The following CDH10 variants were observed in gnomAD, a reference collection of about 807,000 sequenced individuals.
CDH10 encodes cadherin-10.
In CDH10, 30 loss-of-function variants were observed where a neutral mutation model predicts 73.1. That is an observed-to-expected ratio of 0.41 (90% CI 0.31 to 0.56). CDH10 has a LOEUF of 0.56. Ranked by LOEUF, CDH10 falls within the 20% of genes least tolerant of loss-of-function variation. The pLI, the probability that CDH10 is intolerant of heterozygous loss-of-function variation, is 0.27. For synonymous variants in CDH10, 345 were observed against 348.2 expected, an observed-to-expected ratio of 0.99 and a Z score of 0.10; for missense variants, 815 against 973.7, an observed-to-expected ratio of 0.84 and a Z score of 2.17.
At chr5:24,490,436 A>AT (rs1483122965) in intron 11 of CDH10, among the ~76,000 whole-genome samples, 11 of 152,078 alleles carry the variant, frequency 7.2e-5, no homozygotes, top group Non-Finnish European at 1.2e-4. Context: ...TATAAAATAT[A>AT]TTTTTTAATA....
At chr5:24,642,250 A>C (rs1252004983) in intron 1 of CDH10, among the ~76,000 whole-genome samples, 1 of 152,162 alleles carries the variant, frequency 6.6e-6, no homozygotes, top group African/African-American at 2.4e-5. Flanking sequence ...AAAATGACAT[A>C]TTCCAGTAAG....
At position 24,642,763 on chromosome 5, in the gene CDH10, A is replaced by G. The variant is rs111869041; in HGVS notation, c.-124+1831T>C. ...ATGTAGGTGGATGCTCATACAGTTT[A>G]CCTTCTTTTTTCCCATTTCCCAGAG... On this transcript the variant is annotated intron_variant, in intron 1 of 11. Coordinates refer to ENST00000264463, the MANE Select transcript of CDH10 (RefSeq NM_006727.5). Among the ~76,000 whole-genome samples, 279 of 152,130 alleles carry G rather than the reference A, an allele frequency of 1.8e-3. 2 individuals carry two copies. The highest frequency in any genetic ancestry group is 6.2e-3 in the African/African-American group (257 of 41,506).
intron 2 of CDH10, among the ~76,000 whole-genome samples, chr5:24,549,279 G>T (rs1744459962): frequency 6.6e-6 from 1 of 152,188 alleles, no homozygotes; most frequent in Non-Finnish European, 1.5e-5. Flanking sequence ...GAACGAAGTA[G>T]AAGTTGTATT....
intron 2 of CDH10, among the ~76,000 whole-genome samples, chr5:24,580,661 A>G (rs2112053392): frequency 6.6e-6 from 1 of 152,302 alleles, no homozygotes; most frequent in African/African-American, 2.4e-5. Flanking sequence ...ATAAGACCCT[A>G]CATATTAGTT....
intron 1 of CDH10, among the ~76,000 whole-genome samples, chr5:24,605,614 G>A (rs751694608): frequency 2.0e-5 from 3 of 152,220 alleles, no homozygotes; most frequent in African/African-American, 4.8e-5. Flanking sequence ...TACCTTGCTG[G>A]TGGGAATGCA....
At chr5:24,509,963 T>C (rs1166869677) in intron 6 of CDH10, 144 bp from the exon 7 acceptor site, 1 of 580,020 alleles carries the variant, frequency 1.7e-6, no homozygotes, top group Non-Finnish European at 2.9e-6. Flanking sequence ...ACACAAATAA[T>C]ATAATCTTCA....
chr5:24,517,408 G>A (rs1376965615), intron 5 of CDH10, among the ~76,000 whole-genome samples: 1 of 152,138 alleles, frequency 6.6e-6, no homozygotes, highest in Non-Finnish European at 1.5e-5. Flanking sequence ...TGAAGGGAAA[G>A]TGGGAATAGG....
chr5:24,584,272 G>A (rs1021502215), intron 2 of CDH10, among the ~76,000 whole-genome samples: 9 of 151,886 alleles, frequency 5.9e-5, no homozygotes, highest in Admixed American at 4.6e-4. Context: ...CCAGAAGAAC[G>A]TTAAATACAG....
chr5:24,594,497 CAAT>C (rs1249959986), intron 1 of CDH10, among the ~76,000 whole-genome samples: 1 of 151,828 alleles, frequency 6.6e-6, no homozygotes, highest in African/African-American at 2.4e-5. Flanking sequence ...AAAATCTGTC[CAAT>C]AATACTGCAC....
At chr5:24,498,559 T>C (rs2111686315) in intron 8 of CDH10, 40 bp from the exon 9 acceptor site, 2 of 1,503,370 alleles carry the variant, frequency 1.3e-6, no homozygotes, top group Non-Finnish European at 1.8e-6. Flanking sequence ...GGAAGATAAA[T>C]TGGTGCATCA....
intron 1 of CDH10, among the ~76,000 whole-genome samples, chr5:24,632,528 G>C (rs1370070541): frequency 1.3e-5 from 2 of 151,960 alleles, no homozygotes; most frequent in Admixed American, 1.3e-4. Flanking sequence ...TGGTTTAATG[G>C]GAAGCAAAGT....
intron 1 of CDH10, among the ~76,000 whole-genome samples, chr5:24,604,445 CT>C (rs1746681156): frequency 6.6e-6 from 1 of 152,108 alleles, no homozygotes; most frequent in African/African-American, 2.4e-5. Context: ...AAACTTTTGT[CT>C]TTTGTAATTG....
chr5:24,599,597 T>C (rs1386232166), intron 1 of CDH10, among the ~76,000 whole-genome samples: 2 of 152,190 alleles, frequency 1.3e-5, no homozygotes, highest in Non-Finnish European at 1.5e-5. Context: ...TAAACTGTTC[T>C]GCAAAATATG....
chr5:24,643,197 TTATC>T (rs1394802129), intron 1 of CDH10, among the ~76,000 whole-genome samples: 2 of 152,106 alleles, frequency 1.3e-5, no homozygotes, highest in Non-Finnish European at 2.9e-5. Context: ...GGGGTGCAGA[TTATC>T]TATGCGACTT....
chr5:24,643,080 G>A (rs1748108200), intron 1 of CDH10, among the ~76,000 whole-genome samples: 1 of 151,616 alleles, frequency 6.6e-6, no homozygotes, highest in Non-Finnish European at 1.5e-5. Flanking sequence ...GTTTACACCT[G>A]TGCACTCTCC....
At chr5:24,510,183 T>G (rs2111757761) in intron 6 of CDH10, among the ~76,000 whole-genome samples, 1 of 152,314 alleles carries the variant, frequency 6.6e-6, no homozygotes, top group African/African-American at 2.4e-5. Context: ...ACTGCTAAAT[T>G]TTTCTAAGTA....
At chr5:24,595,611 T>G (rs575712823) in intron 1 of CDH10, among the ~76,000 whole-genome samples, 3 of 151,892 alleles carry the variant, frequency 2.0e-5, no homozygotes, top group Non-Finnish European at 4.4e-5. Flanking sequence ...TTTATATGTA[T>G]TAGGATGTGC....
At chr5:24,518,383 A>C (rs1014105153) in intron 5 of CDH10, among the ~76,000 whole-genome samples, 4 of 152,158 alleles carry the variant, frequency 2.6e-5, no homozygotes, top group African/African-American at 4.8e-5. Flanking sequence ...ATATATACAC[A>C]CACACATATA....
intron 8 of CDH10, among the ~76,000 whole-genome samples, chr5:24,501,958 G>T (rs1033613073): frequency 1.3e-5 from 2 of 150,764 alleles, no homozygotes; most frequent in African/African-American, 2.4e-5. Context: ...TCACTCTGTC[G>T]CCCTGGCTGC....
Sources: allele counts gnomAD v4.1 joint callset (sites outside exome capture counted in the v4.1 genomes callset), GRCh38; gene constraint gnomAD v4.1.1; transcripts MANE v1.5; gene names NCBI Gene and HGNC (gene_info 2026-07-23, HGNC 2026-07-21).